The following NQO2 variants were observed in gnomAD, a reference collection of about 807,000 sequenced individuals.
The protein encoded by NQO2 is ribosyldihydronicotinamide dehydrogenase [quinone].
A neutral mutation model predicts 22.0 loss-of-function variants in NQO2; 18 were observed. The ratio of observed to expected loss-of-function variants is 0.82; its 90% CI spans 0.56 to 1.21. The LOEUF is 1.21. NQO2 is among the 50% of genes most tolerant of loss of function. The pLI is 0.00. For synonymous variants in NQO2, 106 were observed against 110.8 expected, an observed-to-expected ratio of 0.96 and a Z score of 0.28; for missense variants, 267 against 286.9, an observed-to-expected ratio of 0.93 and a Z score of 0.50.
chr6:3,013,947 A>C (rs1255007140), intron 4 of NQO2, among the ~76,000 whole-genome samples: 1 of 152,056 alleles, frequency 6.6e-6, no homozygotes, highest in Non-Finnish European at 1.5e-5. Context: ...GTTCTCTCTC[A>C]CTGCTTGCCA....
intron 6 of NQO2, among the ~76,000 whole-genome samples, chr6:3,018,624 G>A (rs1029507729): frequency 1.3e-4 from 20 of 152,138 alleles, no homozygotes; most frequent in African/African-American, 4.6e-4. Flanking sequence ...ATGAGGGTGT[G>A]GGTTTTAAAG....
At chr6:3,014,639 G>C (rs189005239) in intron 4 of NQO2, among the ~76,000 whole-genome samples, 3 of 151,968 alleles carry the variant, frequency 2.0e-5, no homozygotes, top group Admixed American at 1.3e-4. Flanking sequence ...TTTTCTGATA[G>C]TTTGTCCAGA....
At chr6:3,013,686 G>A (rs951067446) in intron 4 of NQO2, among the ~76,000 whole-genome samples, 2 of 152,110 alleles carry the variant, frequency 1.3e-5, no homozygotes, top group Non-Finnish European at 2.9e-5. Context: ...CAGGAGTGCT[G>A]ACTCATCAGG....
chr6:3,001,618 CA>C (rs1357724767), intron 1 of NQO2, among the ~76,000 whole-genome samples: 1 of 152,168 alleles, frequency 6.6e-6, no homozygotes, highest in East Asian at 1.9e-4. Flanking sequence ...CGCATGAATA[CA>C]CACTGAATAC....
intron 1 of NQO2, among the ~76,000 whole-genome samples, chr6:3,002,824 A>G (rs1016362162): frequency 8.6e-5 from 13 of 151,546 alleles, no homozygotes; most frequent in African/African-American, 2.9e-4. Context: ...CTTGAAACAG[A>G]GCCTAACTCT....
chr6:3,019,733 G>T lies in NQO2; in HGVS notation c.*78G>T. 7.8e-7 allele frequency: 1 copy of T among 1,276,832 alleles called. No homozygotes were observed. Among genetic ancestry groups the T allele is most frequent in the Non-Finnish European group, 1.1e-6 (1 of 946,492 alleles). 79.1% of individuals were successfully genotyped at this position (1,276,832 alleles called of 1,614,324 possible). On this transcript the variant is annotated 3_prime_UTR_variant, in exon 7 of 7. Transcript: ENST00000380455. ...GGCAAAGAGAAGATGGTGCTGTCAT[G>T]AAATAAAATTACAACATAGCTACCT...
At chr6:3,002,851 T>A (rs1257611997) in intron 1 of NQO2, among the ~76,000 whole-genome samples, 4 of 151,918 alleles carry the variant, frequency 2.6e-5, no homozygotes, top group Non-Finnish European at 5.9e-5. Flanking sequence ...CAGTCTGGAG[T>A]GGAGCAATCC....
intron 1 of NQO2, among the ~76,000 whole-genome samples, chr6:3,002,476 T>A (rs902942358): frequency 2.6e-5 from 4 of 151,950 alleles, no homozygotes; most frequent in African/African-American, 9.7e-5. Context: ...ACCCGGATAA[T>A]TTTTGTATTT....
intron 1 of NQO2, among the ~76,000 whole-genome samples, chr6:3,005,323 C>G (rs1049672402): frequency 6.6e-6 from 1 of 152,156 alleles, no homozygotes; most frequent in South Asian, 2.1e-4. Flanking sequence ...TTTGGGGGCA[C>G]AGCACCTCTC....
At position 3,015,613 on chromosome 6, in the gene NQO2, C is replaced by A; in HGVS notation, c.387C>A (p.Ile129=). The A allele has an allele frequency of 6.2e-7, 1 of 1,614,160 alleles. No individual in the cohort carries two copies. Among genetic ancestry groups the A allele is most frequent in the Non-Finnish European group, 8.5e-7 (1 of 1,180,030 alleles). The change falls in exon 5 of 7, where the codon ATC becomes ATA. Residue 129 remains isoleucine, a synonymous_variant. Transcript: ENST00000380455. ...TGTGCCAGGGCTTTGCCTTTGACAT[C>A]CCAGGATTCTACGATTCCGGTTTGC... is the stretch of plus-strand genomic sequence containing the variant. The part of the protein sequence containing the change: ...RVLCQGFAFD[I]PGFYDSGLLQ...
chr6:3,015,565 G>A lies in NQO2; in HGVS notation c.339G>A (p.Leu113=), dbSNP rs866980595. ...ACTGGTTCAGCGTGCCAGCCATCCT[G>A]AAGGGCTGGATGGATAGGGTGCTGT... ...PLYWFSVPAI[L]KGWMDRVLCQ... The change falls in exon 5 of 7, where the codon CTG becomes CTA. Residue 113 remains leucine (L), a synonymous_variant. Transcript: ENST00000380455. The A allele has an allele frequency of 5.0e-6, 8 of 1,614,154 alleles. No homozygotes were observed. In the Middle Eastern group the frequency reaches 9.9e-4, roughly 200 times the overall value.
chr6:3,002,072 A>G (rs1756751777), intron 1 of NQO2: 2 of 293,030 alleles, frequency 6.8e-6, no homozygotes, highest in East Asian at 3.5e-4. Context: ...AGAAGTCACA[A>G]ACTCACATGC....
At chr6:3,016,406 G>C (rs552303922) in intron 5 of NQO2, among the ~76,000 whole-genome samples, 82 of 142,384 alleles carry the variant, frequency 5.8e-4, no homozygotes, top group Non-Finnish European at 1.1e-3. Context: ...ATTCCAGCCT[G>C]GGTGACAAAG....
chr6:3,003,792 A>T lies in NQO2; in HGVS notation c.-85-2676A>T, dbSNP rs191682360. 1.6e-5 allele frequency: 15 copies of T among 955,666 alleles called. No individual in the cohort carries two copies. In the East Asian group the frequency reaches 1.6e-3, roughly 101 times the overall value. The allele number at this position is 955,666 out of a possible 1,614,324, so 59.2% of individuals were successfully genotyped here. A position where few individuals can be genotyped will look rare whatever the true frequency, so the allele number is the denominator to read the frequency against. On this transcript the variant is annotated intron_variant, in intron 1 of 6. Transcript: ENST00000380455. ...TGATGTACCTTAAACACAGCAAGGTACTTGGACACAAAGCCTGTGCCTGGA... is the reference window on the plus strand; with the variant it reads ...TGATGTACCTTAAACACAGCAAGGTTCTTGGACACAAAGCCTGTGCCTGGA...
At chr6:3,010,390 A>C (rs1757103091) in intron 3 of NQO2, among the ~76,000 whole-genome samples, 1 of 151,932 alleles carries the variant, frequency 6.6e-6, no homozygotes, top group South Asian at 2.1e-4. Flanking sequence ...AAGACCACAC[A>C]TAAGTGAAAC....
Position 3,000,037 on chromosome 6 carries a change from C to G in NQO2, c.-134C>G, listed in dbSNP as rs1486923614. 2 of 152,356 alleles carry G rather than the reference C, an allele frequency of 1.3e-5. No homozygotes were observed. Among genetic ancestry groups the G allele is most frequent in the South Asian group, 2.1e-4 (1 of 4,836 alleles). The allele number at this position is 152,356 out of a possible 1,614,324, so 9.4% of individuals were successfully genotyped here. A position where few individuals can be genotyped will look rare whatever the true frequency, so the allele number is the denominator to read the frequency against. Reference sequence around the variant, plus strand: ...ACTCCTAGAGCGGTCCTTGGGGAGACGCGGGTCCCAGTCCTGCGGCTCCTA... The same window carrying G: ...ACTCCTAGAGCGGTCCTTGGGGAGAGGCGGGTCCCAGTCCTGCGGCTCCTA... On this transcript the variant is annotated 5_prime_UTR_variant, in exon 1 of 7. Transcript: ENST00000380455.
intron 4 of NQO2, among the ~76,000 whole-genome samples, chr6:3,013,172 G>A (rs1224216629): frequency 6.6e-6 from 1 of 151,660 alleles, no homozygotes; most frequent in African/African-American, 2.4e-5. Flanking sequence ...AGCCAGGATG[G>A]TCTCGATCTC....
intron 2 of NQO2, among the ~76,000 whole-genome samples, chr6:3,008,191 G>A (rs1757011029): frequency 6.6e-6 from 1 of 152,172 alleles, no homozygotes; most frequent in South Asian, 2.1e-4. Context: ...GCCAAGGTGG[G>A]CAGATCACCT....
chr6:3,000,727 G>C (rs937218668), intron 1 of NQO2, among the ~76,000 whole-genome samples: 3 of 152,198 alleles, frequency 2.0e-5, no homozygotes, highest in Non-Finnish European at 4.4e-5. Context: ...ATGTTTAGTA[G>C]AGACGGGTTT....
Sources: gnomAD v4.1 joint callset for allele counts (sites outside exome capture counted in the v4.1 genomes callset) on GRCh38, gnomAD v4.1.1 for gene constraint, MANE v1.5 for transcripts, NCBI Gene and HGNC (gene_info 2026-07-23, HGNC 2026-07-21) for gene names.